Variants in DIAPH3 observed in about 807,000 individuals in gnomAD.
The protein encoded by DIAPH3 is diaphanous related formin 3.
In DIAPH3, 117 loss-of-function variants were observed where a neutral mutation model predicts 144.3. The ratio of observed to expected loss-of-function variants is 0.81; its 90% CI spans 0.70 to 0.95. The LOEUF (loss-of-function observed/expected upper bound fraction) is 0.95, where lower values mean the gene tolerates loss of function less well. Among genes scored for constraint, DIAPH3 ranks in the 40% least tolerant of loss-of-function variants. The pLI, the probability that DIAPH3 is intolerant of heterozygous loss-of-function variation, is 0.00. For synonymous variants in DIAPH3, 519 were observed against 488.9 expected (o/e 1.06, Z -0.81); for missense variants, 1,421 against 1,412.7 (o/e 1.01, Z -0.09).
chr13:60,155,375 A>G (rs979552998), intron 1 of DIAPH3, among the ~76,000 whole-genome samples: 1 of 152,180 alleles, frequency 6.6e-6, no homozygotes, highest in African/African-American at 2.4e-5. Context: ...ATTAAATGCC[A>G]TATGTTATCT....
At chr13:59,777,181 C>T (rs1290315735) in intron 25 of DIAPH3, among the ~76,000 whole-genome samples, 1 of 151,932 alleles carries the variant, frequency 6.6e-6, no homozygotes, top group South Asian at 2.1e-4. Context: ...TATTGTTGTG[C>T]CAGAAAATAA....
chr13:59,828,723 A>C (rs764747545), intron 24 of DIAPH3, among the ~76,000 whole-genome samples: 4 of 151,684 alleles, frequency 2.6e-5, no homozygotes, highest in Non-Finnish European at 5.9e-5. Context: ...TCAAACCATG[A>C]CAGTTGTTTT....
At chr13:60,149,620 C>A (rs1340691608) in intron 1 of DIAPH3, among the ~76,000 whole-genome samples, 1 of 151,738 alleles carries the variant, frequency 6.6e-6, no homozygotes, top group Non-Finnish European at 1.5e-5. Flanking sequence ...CCAAGCGGTG[C>A]AGCGTGCCTG....
chr13:60,021,666 C>CAAAAAA (rs55896515), intron 5 of DIAPH3, among the ~76,000 whole-genome samples: 3 of 81,422 alleles, frequency 3.7e-5, no homozygotes, highest in African/African-American at 1.3e-4. Context: ...GGCTCTGTCT[C>CAAAAAA]AAAAAAAAAA....
At chr13:60,050,058 G>A (rs1170688342) in intron 4 of DIAPH3, among the ~76,000 whole-genome samples, 6 of 152,120 alleles carry the variant, frequency 3.9e-5, no homozygotes, top group Non-Finnish European at 5.9e-5. Flanking sequence ...ACCCAGCATG[G>A]TGGTGCATGC....
intron 4 of DIAPH3, among the ~76,000 whole-genome samples, chr13:60,090,522 A>C (rs1357750648): frequency 6.6e-6 from 1 of 152,214 alleles, no homozygotes; most frequent in Non-Finnish European, 1.5e-5. Context: ...AAAAAGGAGA[A>C]TCTCAAAGCA....
In DIAPH3 at chr13:59,924,786, G is replaced by A. The variant is rs1052917617; in HGVS notation, c.2159C>T (p.Ala720Val). Residue 720 changes from alanine (A) to valine (V), a missense_variant, in exon 18 of 28, where the codon GCC becomes GTC. By Grantham distance (64) the Ala-to-Val change is moderately conservative. Coordinates refer to ENST00000400324, the MANE Select transcript of DIAPH3 (RefSeq NM_001042517.2). ...KELKFLDSKI[A>V]QNLSIFLSSF... ...AATATGATACTTACAAAGGTTCTGGGCAATTTTAGAATCTAAAAACTTAAG... is the reference window on the plus strand; with the variant it reads ...AATATGATACTTACAAAGGTTCTGGACAATTTTAGAATCTAAAAACTTAAG... The A allele has an allele frequency of 6.9e-6, 11 of 1,600,832 alleles. No homozygotes were observed. The highest frequency in any genetic ancestry group is 9.4e-6 in the Non-Finnish European group (11 of 1,171,074).
At chr13:59,722,420 C>CT (rs1188475601) in intron 27 of DIAPH3, among the ~76,000 whole-genome samples, 9 of 152,156 alleles carry the variant, frequency 5.9e-5, no homozygotes, top group Non-Finnish European at 8.8e-5. Context: ...TGGCTAGAAG[C>CT]TAAAAACCAC....
At chr13:59,797,016 G>C (rs1190863190) in intron 25 of DIAPH3, among the ~76,000 whole-genome samples, 2 of 151,942 alleles carry the variant, frequency 1.3e-5, no homozygotes, top group African/African-American at 4.8e-5. Context: ...GGTGGAGCAG[G>C]GACTGGAATA....
chr13:59,841,553 C>T (rs1230945252), intron 22 of DIAPH3, among the ~76,000 whole-genome samples: 3 of 152,084 alleles, frequency 2.0e-5, no homozygotes, highest in Non-Finnish European at 4.4e-5. Flanking sequence ...GTCATGGCAC[C>T]AATGCACCAC....
rs544343501 is a variant in DIAPH3 at position 59,960,495 on chromosome 13, G to A, written c.2074+9449C>T. Reference sequence around the variant, plus strand: ...AACTAAAAACATTAAGAGTTATCACGCCTCCTGCAAACCCTTGGGAGAATT... The same window carrying A: ...AACTAAAAACATTAAGAGTTATCACACCTCCTGCAAACCCTTGGGAGAATT... On this transcript the variant is annotated intron_variant, in intron 17 of 27. Transcript: ENST00000400324. Among the ~76,000 whole-genome samples, 6 of 152,072 alleles carry A rather than the reference G, an allele frequency of 3.9e-5. No homozygotes were observed. The East Asian group carries it at 5.8e-4, about 15-fold the overall frequency.
intron 27 of DIAPH3, among the ~76,000 whole-genome samples, chr13:59,754,968 G>A (rs1037779936): frequency 6.6e-6 from 1 of 152,160 alleles, no homozygotes; most frequent in Non-Finnish European, 1.5e-5. Flanking sequence ...AGGTTACACA[G>A]CTAGTAAAGT....
chr13:60,129,684 A>G (rs1274442999), intron 2 of DIAPH3, among the ~76,000 whole-genome samples: 5 of 152,222 alleles, frequency 3.3e-5, no homozygotes, highest in Admixed American at 6.5e-5. Flanking sequence ...TATTCACATT[A>G]AGAATTTCTA....
chr13:59,803,958 G>A (rs1593906166), intron 25 of DIAPH3, among the ~76,000 whole-genome samples: 1 of 152,302 alleles, frequency 6.6e-6, no homozygotes, highest in Non-Finnish European at 1.5e-5. Flanking sequence ...GTGGAAGAAT[G>A]TCTCAGGGCA....
At chr13:59,696,307 T>A (rs1351790978) in intron 27 of DIAPH3, 1 of 152,226 alleles carries the variant, frequency 6.6e-6, no homozygotes, top group Non-Finnish European at 1.5e-5. Context: ...CAGATGGATT[T>A]TAATAGTACA....
chr13:59,678,159 T>A (rs1342583798), intron 27 of DIAPH3, among the ~76,000 whole-genome samples: 1 of 152,168 alleles, frequency 6.6e-6, no homozygotes, highest in African/African-American at 2.4e-5. Flanking sequence ...GGGGTTAGGT[T>A]CACAGTGTTG....
chr13:59,923,212 A>G (rs1353195718), intron 18 of DIAPH3, among the ~76,000 whole-genome samples: 1 of 152,220 alleles, frequency 6.6e-6, no homozygotes, highest in Admixed American at 6.5e-5. Flanking sequence ...AAAGAATTCT[A>G]TTAAACATTA....
At chr13:60,000,231 G>A (rs934427600) in intron 9 of DIAPH3, among the ~76,000 whole-genome samples, 2 of 152,014 alleles carry the variant, frequency 1.3e-5, no homozygotes, top group Non-Finnish European at 1.5e-5. Context: ...TCTACCACAG[G>A]AATCCTAGAA....
intron 18 of DIAPH3, among the ~76,000 whole-genome samples, chr13:59,918,581 G>T (rs1230465478): frequency 6.6e-6 from 1 of 152,090 alleles, no homozygotes; most frequent in Non-Finnish European, 1.5e-5. Flanking sequence ...AGCTGTGGGA[G>T]CCAAAAATTT....
Sources: allele counts gnomAD v4.1 joint callset (sites outside exome capture counted in the v4.1 genomes callset), GRCh38; gene constraint gnomAD v4.1.1; transcripts MANE v1.5; gene names NCBI Gene and HGNC (gene_info 2026-07-23, HGNC 2026-07-21).